Variants in CA10 observed in about 807,000 individuals in gnomAD.
The protein encoded by CA10 is carbonic anhydrase 10 (inactive).
A neutral mutation model predicts 44.2 loss-of-function variants in CA10; 14 were observed. That is an observed-to-expected ratio of 0.32 (90% CI 0.21 to 0.50). The LOEUF (loss-of-function observed/expected upper bound fraction) is 0.50, where lower values mean the gene tolerates loss of function less well. Among genes scored for constraint, CA10 ranks in the 20% least tolerant of loss-of-function variants. The pLI, the probability that CA10 is intolerant of heterozygous loss-of-function variation, is 0.99. For missense variants in CA10, 350 were observed against 409.7 expected (o/e 0.85, Z 1.26); for synonymous variants, 159 against 141.6 (o/e 1.12, Z -0.87).
intron 3 of CA10, chr17:51,761,427 A>C (rs1905214087): frequency 6.6e-6 from 1 of 152,086 alleles, no homozygotes; most frequent in African/African-American, 2.4e-5. Flanking sequence ...TAAATTATAA[A>C]CCTCTTAATA....
At chr17:51,937,772 A>G (rs1982924271) in intron 2 of CA10, among the ~76,000 whole-genome samples, 1 of 152,170 alleles carries the variant, frequency 6.6e-6, no homozygotes, top group Admixed American at 6.5e-5. Context: ...GGGTATGTGT[A>G]TATTAAGGCT....
At chr17:52,036,761 A>G (rs1349299950) in intron 2 of CA10, among the ~76,000 whole-genome samples, 1 of 152,206 alleles carries the variant, frequency 6.6e-6, no homozygotes, top group African/African-American at 2.4e-5. Context: ...TACATAAGAT[A>G]ATGAATGTAT....
At chr17:52,074,599 C>A (rs1287674199) in intron 1 of CA10, among the ~76,000 whole-genome samples, 1 of 72,086 alleles carries the variant, frequency 1.4e-5, no homozygotes, top group Admixed American at 1.8e-4. Flanking sequence ...AATAAATATA[C>A]ACTTAGCACT....
intron 4 of CA10, among the ~76,000 whole-genome samples, chr17:51,676,780 G>C (rs1429160656): frequency 6.6e-6 from 1 of 152,160 alleles, no homozygotes; most frequent in Non-Finnish European, 1.5e-5. Flanking sequence ...TACCATTCCA[G>C]GCAGAGTCAC....
chr17:51,798,972 A>G (rs1048788355), intron 3 of CA10, among the ~76,000 whole-genome samples: 10 of 152,214 alleles, frequency 6.6e-5, no homozygotes, highest in Non-Finnish European at 1.3e-4. Context: ...AAGGGGAGCC[A>G]GTCAAATGCA....
At position 52,157,744 on chromosome 17, in the gene CA10, A is replaced by C; in HGVS notation, c.43T>G (p.Phe15Val). The C allele has an allele frequency of 6.2e-7, 1 of 1,614,080 alleles. No homozygotes were observed. The highest frequency in any genetic ancestry group is 1.1e-5 in the South Asian group (1 of 91,082). ...WEVLFLLQAN[F>V]IVCISAQQNS... The stretch of plus-strand genomic sequence containing the variant: ...CCCGTACCTGATATGCAGACGATGA[A>C]ATTGGCTTGAAGAAGAAAAAGCACC... The change falls in exon 1 of 9, where the codon TTC (phenylalanine) becomes GTC (valine). Residue 15 changes from phenylalanine (F) to valine (V), a missense_variant. By Grantham distance (50) the Phe-to-Val change is conservative. Coordinates refer to ENST00000451037, the MANE Select transcript of CA10 (RefSeq NM_020178.5).
At chr17:52,087,138 T>G (rs1280247684) in intron 1 of CA10, among the ~76,000 whole-genome samples, 4 of 152,130 alleles carry the variant, frequency 2.6e-5, no homozygotes, top group Admixed American at 2.6e-4. Context: ...TTTCTTGTAA[T>G]TAATTAATTA....
intron 2 of CA10, among the ~76,000 whole-genome samples, chr17:52,058,119 A>G (rs994173213): frequency 1.3e-5 from 2 of 152,146 alleles, no homozygotes; most frequent in African/African-American, 4.8e-5. Context: ...TACATGAGGT[A>G]GTGTCTTTAA....
At chr17:51,715,890 A>G (rs1916096755) in intron 4 of CA10, among the ~76,000 whole-genome samples, 1 of 152,148 alleles carries the variant, frequency 6.6e-6, no homozygotes, top group Admixed American at 6.5e-5. Context: ...GGGTTTCACC[A>G]TGTTGGCCAG....
At chr17:52,106,570 C>T (rs575693041) in intron 1 of CA10, among the ~76,000 whole-genome samples, 182 of 152,222 alleles carry the variant, frequency 1.2e-3, no homozygotes, top group Non-Finnish European at 2.4e-3. Flanking sequence ...CTGATGGCCA[C>T]CAAGAGCCCT....
At chr17:52,105,428 G>A (rs761152281) in intron 1 of CA10, among the ~76,000 whole-genome samples, 9 of 151,930 alleles carry the variant, frequency 5.9e-5, no homozygotes, top group South Asian at 2.1e-4. Flanking sequence ...CTAATTTTTT[G>A]TATTTTTTAG....
At chr17:51,638,662 A>G (rs955930871) in intron 6 of CA10, among the ~76,000 whole-genome samples, 2 of 152,220 alleles carry the variant, frequency 1.3e-5, no homozygotes, top group Non-Finnish European at 2.9e-5. Flanking sequence ...CCAGGTATAG[A>G]TGAGTAGGAA....
At chr17:51,735,932 A>C (rs1244780952) in intron 4 of CA10, among the ~76,000 whole-genome samples, 2 of 151,680 alleles carry the variant, frequency 1.3e-5, no homozygotes, top group Middle Eastern at 3.2e-3. Flanking sequence ...CTAGGGTAGG[A>C]GGGAAGGACT....
At chr17:51,900,598 A>G (rs1052357830) in intron 3 of CA10, among the ~76,000 whole-genome samples, 2 of 152,154 alleles carry the variant, frequency 1.3e-5, no homozygotes, top group Non-Finnish European at 2.9e-5. Flanking sequence ...AATTTTCATG[A>G]ACCATATCTT....
intron 3 of CA10, among the ~76,000 whole-genome samples, chr17:51,857,258 C>T (rs1458410280): frequency 7.9e-5 from 12 of 152,090 alleles, no homozygotes; most frequent in Admixed American, 7.2e-4. Flanking sequence ...ATTATTATCC[C>T]GTTTTACAGA....
At chr17:51,831,687 G>GCAGCAGCAGCATCAGCAC (rs1349431395) in intron 3 of CA10, among the ~76,000 whole-genome samples, 3 of 78,548 alleles carry the variant, frequency 3.8e-5, no homozygotes, top group Admixed American at 2.5e-4. Flanking sequence ...AGCAGCAGCA[G>GCAGCAGCAGCATCAGCAC]CAGCAGCAGC....
chr17:51,824,692 C>T (rs763390028), intron 3 of CA10, among the ~76,000 whole-genome samples: 3 of 152,150 alleles, frequency 2.0e-5, no homozygotes, highest in South Asian at 4.1e-4. Flanking sequence ...CATAGTTATG[C>T]GTTGAATCTT....
chr17:52,072,470 T>C, intron 1 of CA10, 77 bp from the exon 2 acceptor site: 1 of 1,021,366 alleles, frequency 9.8e-7, no homozygotes, highest in Non-Finnish European at 1.5e-6. Flanking sequence ...GTAAGAAGGG[T>C]GAATATCCAT....
At chr17:51,688,870 A>G (rs1915095024) in intron 4 of CA10, among the ~76,000 whole-genome samples, 1 of 152,210 alleles carries the variant, frequency 6.6e-6, no homozygotes, top group African/African-American at 2.4e-5. Flanking sequence ...TCTACCATAT[A>G]CAATCCTACC....
Sources: gnomAD v4.1 joint callset for allele counts (sites outside exome capture counted in the v4.1 genomes callset) on GRCh38, gnomAD v4.1.1 for gene constraint, MANE v1.5 for transcripts, NCBI Gene and HGNC (gene_info 2026-07-23, HGNC 2026-07-21) for gene names.